The following POLR1B variants were observed in gnomAD, a reference collection of about 807,000 sequenced individuals.
POLR1B encodes DNA-directed RNA polymerase I subunit RPA2.
Under a neutral mutation model 105.8 loss-of-function variants are expected in POLR1B, and 30 were observed. The ratio of observed to expected loss-of-function variants is 0.28; its 90% CI spans 0.21 to 0.38. The LOEUF (loss-of-function observed/expected upper bound fraction) is 0.38. Among genes scored for constraint, POLR1B ranks in the 10% least tolerant of loss-of-function variants. The pLI, the probability that POLR1B is intolerant of heterozygous loss-of-function variation, is 1.00. For synonymous variants in POLR1B, 485 were observed against 505.1 expected (o/e 0.96, Z 0.53); for missense variants, 976 against 1,435.8 (o/e 0.68, Z 5.17).
intron 7 of POLR1B, among the ~76,000 whole-genome samples, chr2:112,556,658 G>T (rs1345196480): frequency 1.3e-5 from 2 of 152,108 alleles, no homozygotes; most frequent in African/African-American, 4.8e-5. Context: ...GGGGCCTGCT[G>T]GAAAAGGTAT....
At chr2:112,568,698 GTGTAACC>G in intron 11 of POLR1B, 41 bp from the exon 12 acceptor site, 2 of 1,590,644 alleles carry the variant, frequency 1.3e-6, no homozygotes, top group Non-Finnish European at 1.7e-6. Context: ...AAGAGTAAAT[GTGTAACC>G]AGTTGCAGTT....
intron 9 of POLR1B, among the ~76,000 whole-genome samples, chr2:112,561,856 G>A (rs528302774): frequency 6.6e-6 from 1 of 151,568 alleles, no homozygotes; most frequent in East Asian, 1.9e-4. Context: ...TTGTTTTGTA[G>A]AGATGGGGTC....
At chr2:112,570,424 CAT>C (rs1181926372) in intron 12 of POLR1B, among the ~76,000 whole-genome samples, 2 of 152,184 alleles carry the variant, frequency 1.3e-5, no homozygotes, top group Non-Finnish European at 1.5e-5. Context: ...TGCTTACAGT[CAT>C]GTGCCCTTAA....
At position 112,549,377 on chromosome 2, in the gene POLR1B, A is replaced by G; in HGVS notation, c.603A>G (p.Arg201=). The change falls in exon 4 of 15, where the codon AGA becomes AGG. Residue 201 remains arginine (R), a synonymous_variant. Transcript: ENST00000263331. ...IAMIRPKWKT[R]GPGYTQYGVS... ...TGATAAGACCAAAATGGAAAACCAG[A>G]GGGCCTGGTTATACTCAGTATGGTA... 6.2e-7 allele frequency: 1 copy of G among 1,613,420 alleles called. No homozygotes were observed.
chr2:112,552,620 C>CT (rs11351307), intron 6 of POLR1B, 25 bp from the exon 7 acceptor site: 7,613 of 1,256,860 alleles, frequency 6.1e-3, no homozygotes, highest in South Asian at 0.011. Context: ...TTGTTTTAAG[C>CT]TTTTTTTTTT....
chr2:112,549,331 G>A lies in POLR1B; in HGVS notation c.557G>A (p.Arg186Gln). ...GTCATCCGAATGTTGATTATGCCTC[G>A]GAGAAATTTTCCCATTGCAATGATA... Reference protein sequence around the residue: ...EKVIRMLIMPRRNFPIAMIRP... With the variant: ...EKVIRMLIMPQRNFPIAMIRP... The change falls in exon 4 of 15, where the codon CGG (arginine) becomes CAG (glutamine). Residue 186 changes from arginine (R) to glutamine (Q), a missense_variant. Around this residue, in one of 12 missense-constraint regions of POLR1B, gnomAD observed 452 missense variants for 616.5 expected, o/e 0.73. Transcript: ENST00000263331. 4 of 1,613,638 alleles carry A rather than the reference G, an allele frequency of 2.5e-6. No individual in the cohort carries two copies. Among genetic ancestry groups the A allele is most frequent in the Non-Finnish European group, 3.4e-6 (4 of 1,179,648 alleles).
intron 7 of POLR1B, among the ~76,000 whole-genome samples, chr2:112,553,057 T>C (rs1204893145): frequency 3.3e-5 from 5 of 152,260 alleles, no homozygotes; most frequent in South Asian, 2.1e-4. Flanking sequence ...GTGTTAATGA[T>C]AAAAAGCAAA....
At chr2:112,561,458 A>G (rs1683979456) in intron 9 of POLR1B, among the ~76,000 whole-genome samples, 1 of 84,484 alleles carries the variant, frequency 1.2e-5, no homozygotes, top group African/African-American at 4.7e-5. Context: ...TTCATGGAAG[A>G]GTGTTCTTTT....
rs767145522 is a variant in POLR1B, at chr2:112,547,477, T to C, written c.402T>C (p.Leu134=). Residue 134 remains leucine, a synonymous_variant, in exon 3 of 15, where the codon CTT becomes CTC. Transcript: ENST00000263331. The part of the protein sequence containing the change: ...GISKGIIKQF[L]GYVPIMVKSK... ...CAAAAGGAATCATTAAGCAGTTTCT[T>C]GGCTATGTTCCCATCATGGTGAAAT... 29 of 1,614,174 alleles carry C rather than the reference T, an allele frequency of 1.8e-5. No homozygotes were observed. Among genetic ancestry groups the C allele is most frequent in the Non-Finnish European group, 2.5e-5 (29 of 1,179,976 alleles).
intron 9 of POLR1B, among the ~76,000 whole-genome samples, chr2:112,561,181 A>T (rs929415099): frequency 6.6e-6 from 1 of 152,228 alleles, no homozygotes. Context: ...ATCCTCTACG[A>T]GGAAAAGAAT....
chr2:112,563,457 C>T (rs1684115126), intron 9 of POLR1B, among the ~76,000 whole-genome samples: 1 of 152,172 alleles, frequency 6.6e-6, no homozygotes, highest in Non-Finnish European at 1.5e-5. Context: ...AGCATTTTAC[C>T]CACAGAGGAG....
rs1042763457 is a variant in POLR1B, at chr2:112,578,897, G to A, written c.*3168G>A. Among the ~76,000 whole-genome samples the A allele has an allele frequency of 1.3e-5, 2 of 152,110 alleles. No homozygotes were observed. The highest frequency in any genetic ancestry group is 4.8e-5 in the African/African-American group (2 of 41,418). On this transcript the variant is annotated 3_prime_UTR_variant, in exon 15 of 15. Coordinates refer to ENST00000263331, the MANE Select transcript of POLR1B (RefSeq NM_019014.6). ...CTGTTCTCACATATTTTCAGACTGT[G>A]GGTAACTGAAACTGCATAAAGCAAA...
intron 9 of POLR1B, among the ~76,000 whole-genome samples, 178 bp downstream of exon 9, chr2:112,559,752 T>C (rs934594519): frequency 1.2e-4 from 19 of 152,118 alleles, no homozygotes; most frequent in African/African-American, 4.3e-4. Flanking sequence ...TGCCTCAGCC[T>C]CCCGAGTAGC....
At position 112,559,375 on chromosome 2, in the gene POLR1B, C is replaced by T. The variant is rs370583264; in HGVS notation, c.1413C>T (p.Cys471=). 26 of 1,614,054 alleles carry T rather than the reference C, an allele frequency of 1.6e-5. No homozygotes were observed. The highest frequency in any genetic ancestry group is 8.0e-5 in the African/African-American group (6 of 74,918). Residue 471 remains cysteine, a synonymous_variant, in exon 9 of 15, where the codon TGC becomes TGT. Coordinates refer to ENST00000263331, the MANE Select transcript of POLR1B (RefSeq NM_019014.6). ...NFIRYLSHFR[C]VHRGADFAKM... ...TACGCTACCTCTCCCATTTCCGCTG[C>T]GTGCACAGAGGGGCTGATTTTGCCA...
rs1359869000 is a variant in POLR1B at position 112,577,130 on chromosome 2, A to G, written c.*1401A>G. On this transcript the variant is annotated 3_prime_UTR_variant, in exon 15 of 15. Transcript: ENST00000263331. Reference sequence around the variant, plus strand: ...TCATCTTGTATATACTTCTGCAATTATAAGATGTTTTTTGATGATGAAAGC... The same window carrying G: ...TCATCTTGTATATACTTCTGCAATTGTAAGATGTTTTTTGATGATGAAAGC... The G allele has an allele frequency of 6.6e-6, 1 of 152,244 alleles. No individual in the cohort carries two copies. Among genetic ancestry groups the G allele is most frequent in the Non-Finnish European group, 1.5e-5 (1 of 68,044 alleles). The allele number at this position is 152,244 out of a possible 1,614,324, so 9.4% of individuals were successfully genotyped here.
Position 112,547,520 on chromosome 2 carries a change from C to G in POLR1B, c.445C>G (p.Arg149Gly). ...IMVKSKLCNL[R>G]NLPPQALIEH... ...GGTGAAATCCAAGCTTTGCAACTTA[C>G]GTAACCTTCCCCCACAAGCCCTCAT... Residue 149 changes from arginine to glycine, a missense_variant, in exon 3 of 15, where the codon CGT (arginine) becomes GGT (glycine). Transcript: ENST00000263331. 1 of 1,614,164 alleles carries G rather than the reference C, an allele frequency of 6.2e-7. No homozygotes were observed. Among genetic ancestry groups the G allele is most frequent in the Non-Finnish European group, 8.5e-7 (1 of 1,180,040 alleles).
Position 112,575,803 on chromosome 2 carries a change from C to T in POLR1B, c.*74C>T. On this transcript the variant is annotated 3_prime_UTR_variant, in exon 15 of 15. Coordinates refer to ENST00000263331, the MANE Select transcript of POLR1B (RefSeq NM_019014.6). This position sits in a 1 kb window ranked among gnomAD's most constrained non-coding sequence, Gnocchi z 5.3. ...TGTAATTTTAATTCAATGAAGATATCATTACCAGGTTACTCTTGAGATTTT... is the reference window on the plus strand; with the variant it reads ...TGTAATTTTAATTCAATGAAGATATTATTACCAGGTTACTCTTGAGATTTT... 6.8e-7 allele frequency: 1 copy of T among 1,460,578 alleles called. No individual in the cohort carries two copies. The highest frequency in any genetic ancestry group is 9.2e-7 in the Non-Finnish European group (1 of 1,082,440). 90.5% of individuals were successfully genotyped at this position (1,460,578 alleles called of 1,614,324 possible).
Position 112,542,661 on chromosome 2 carries a change from T to C in POLR1B, c.167T>C (p.Leu56Pro). 6.2e-7 allele frequency: 1 copy of C among 1,613,380 alleles called. No homozygotes were observed. Among genetic ancestry groups the C allele is most frequent in the Non-Finnish European group, 8.5e-7 (1 of 1,179,834 alleles). Residue 56 changes from leucine to proline, a missense_variant, in exon 1 of 15, where the codon CTC becomes CCC. Coordinates refer to ENST00000263331, the MANE Select transcript of POLR1B (RefSeq NM_019014.6). ...TACGCTGTGCACGAGGGTCTCGGCC[T>C]CGCGGTGCAGGTGAGCGCGGCGTCC... ...FNYAVHEGLGLAVQAIPPFEF... is the reference protein window; with the variant it reads ...FNYAVHEGLGPAVQAIPPFEF...
chr2:112,546,544 CTTTTTTTTTTTTTTTT>C (rs869087985), intron 1 of POLR1B, among the ~76,000 whole-genome samples: 8 of 53,156 alleles, frequency 1.5e-4, no homozygotes, highest in Non-Finnish European at 1.9e-4. Flanking sequence ...CTGGAGGTAG[CTTTTTTTTTTTTTTTT>C]TTTTTTTTTT....
Sources: gnomAD v4.1 joint callset for allele counts (sites outside exome capture counted in the v4.1 genomes callset) on GRCh38, gnomAD v4.1.1 for gene constraint, gnomAD v4.1.1 regional missense constraint, Gnocchi (gnomAD v3.1) non-coding constraint, MANE v1.5 for transcripts, NCBI Gene and HGNC (gene_info 2026-07-23, HGNC 2026-07-21) for gene names.